The following PHF8 variants were observed in gnomAD, a reference collection of about 807,000 sequenced individuals.
PHF8 encodes the protein PHD finger protein 8, also known as histone lysine demethylase PHF8.
A neutral mutation model predicts 74.4 loss-of-function variants in PHF8; 9 were observed. The observed-to-expected ratio is 0.12, with a 90% CI of 0.07 to 0.21. PHF8 has a LOEUF of 0.21. Ranked by LOEUF, PHF8 falls within the 10% of genes least tolerant of loss-of-function variation. PHF8 has a pLI of 1.00. For synonymous variants in PHF8, 311 were observed against 316.6 expected, an observed-to-expected ratio of 0.98 and a Z score of 0.19; for missense variants, 478 against 816.6, an observed-to-expected ratio of 0.59 and a Z score of 5.05.
Position 54,043,747 on chromosome X carries a change from G to GC in PHF8, c.-93+14dup, listed in dbSNP as rs782337154. ...TAAAACTGACAGTAATAGCCTCGCAGCCCCCAAAACTTACAGGAATCTTAA... is the reference window on the plus strand; with the variant it reads ...TAAAACTGACAGTAATAGCCTCGCAGCCCCCCAAAACTTACAGGAATCTTAA... On this transcript the variant is annotated intron_variant, in intron 1 of 21. Transcript: ENST00000338154. 230 of 658,618 alleles carry GC rather than the reference G, an allele frequency of 3.5e-4. 1 individual carries two copies. In the African/African-American group the frequency reaches 5.1e-3, roughly 15 times the overall value. The allele number at this position is 658,618 out of a possible 1,213,427, so 54.3% of individuals were successfully genotyped here.
intron 19 of PHF8, among the ~76,000 whole-genome samples, chrX:53,946,143 A>G (rs898292163): frequency 1.8e-5 from 2 of 112,720 alleles, no homozygotes; most frequent in African/African-American, 6.4e-5. Context: ...ACAGAATTAG[A>G]AAACCACAAG....
At chrX:53,980,398 G>T (rs1047169492) in intron 18 of PHF8, among the ~76,000 whole-genome samples, 1 of 111,274 alleles carries the variant, frequency 9.0e-6, no homozygotes, top group Non-Finnish European at 1.9e-5. Flanking sequence ...TATATGCACA[G>T]AAGTATGACC....
Position 54,044,038 on chromosome X carries a change from C to T in PHF8, c.-369G>A. 1.1e-5 allele frequency: 8 copies of T among 755,110 alleles called. No homozygotes were observed. The highest frequency in any genetic ancestry group is 1.1e-5 in the Non-Finnish European group (7 of 639,431). The allele number at this position is 755,110 out of a possible 1,213,427, so 62.2% of individuals were successfully genotyped here. ...TACCGCCGGGAACCTCGCTCGCCTTCCCCTCGAGCCCCCCGCTGGGTCGCG... is the reference window on the plus strand; with the variant it reads ...TACCGCCGGGAACCTCGCTCGCCTTTCCCTCGAGCCCCCCGCTGGGTCGCG... On this transcript the variant is annotated 5_prime_UTR_variant, in exon 1 of 22. Coordinates refer to ENST00000338154, the MANE Select transcript of PHF8 (RefSeq NM_015107.3).
chrX:54,010,869 T>G (rs1356178702), intron 8 of PHF8, among the ~76,000 whole-genome samples: 2 of 111,383 alleles, frequency 1.8e-5, no homozygotes, highest in Admixed American at 1.9e-4. Context: ...TCATGTTCTC[T>G]GTTCACCCAG....
chrX:53,996,694 G>A (rs910742089), intron 11 of PHF8, among the ~76,000 whole-genome samples: 4 of 110,407 alleles, frequency 3.6e-5, no homozygotes, highest in Admixed American at 9.8e-5. Flanking sequence ...TTACAAGCAC[G>A]TACCACCACG....
intron 19 of PHF8, among the ~76,000 whole-genome samples, chrX:53,946,673 T>C (rs1460668968): frequency 1.8e-5 from 2 of 112,368 alleles, no homozygotes; most frequent in African/African-American, 6.5e-5. Context: ...ATGGACCCTG[T>C]TTAGACCCTG....
chrX:53,940,662 A>G lies in PHF8; in HGVS notation c.2650-146T>C. The G allele has an allele frequency of 8.4e-6, 4 of 478,839 alleles. No homozygotes were observed. The South Asian group carries it at 1.2e-4, about 14-fold the overall frequency. The allele number at this position is 478,839 out of a possible 1,213,427, so 39.5% of individuals were successfully genotyped here. On this transcript the variant is annotated intron_variant, in intron 20 of 21. Coordinates refer to ENST00000338154, the MANE Select transcript of PHF8 (RefSeq NM_015107.3). ...CACCAAGTCTAGCCTGGATGTACAC[A>G]CAGCACATAACAGGCCTTCCAATAC...
At chrX:53,974,010 A>C (rs1557095327) in intron 18 of PHF8, among the ~76,000 whole-genome samples, 2 of 111,583 alleles carry the variant, frequency 1.8e-5, no homozygotes, top group Non-Finnish European at 3.8e-5. Context: ...CTGTAATCTC[A>C]GCACTTTGGG....
Position 54,042,620 on chromosome X carries a change from G to A in PHF8, c.98+11C>T, listed in dbSNP as rs2066579727. On this transcript the variant is annotated intron_variant, in intron 2 of 21. Transcript: ENST00000338154. ...CACCGCACCCTGTGTAGCCTGGCCTGCCCTCCTTACCTGCCATGAAACCAG... is the reference window on the plus strand; with the variant it reads ...CACCGCACCCTGTGTAGCCTGGCCTACCCTCCTTACCTGCCATGAAACCAG... 2 of 1,199,580 alleles carry A rather than the reference G, an allele frequency of 1.7e-6. No homozygotes were observed. The highest frequency in any genetic ancestry group is 3.6e-5 in the South Asian group (2 of 55,956).
At chrX:53,992,104 T>C (rs370650406) in intron 14 of PHF8, among the ~76,000 whole-genome samples, 29 of 112,499 alleles carry the variant, frequency 2.6e-4, no homozygotes, top group African/African-American at 8.7e-4. Context: ...TGTGCATACA[T>C]GCCCTTTTAA....
rs971748979 is a variant in PHF8 at position 54,021,102 on chromosome X, T to A, written c.293+1157A>T. The stretch of plus-strand genomic sequence containing the variant: ...TACATATATATCATGGAATACTACA[T>A]AGCCATAAAACAGAAGGAAATCATG... On this transcript the variant is annotated intron_variant, in intron 4 of 21. Transcript: ENST00000338154. 4.4e-5 allele frequency among the ~76,000 whole-genome samples: 5 copies of A among 112,398 alleles called. No individual in the cohort carries two copies. In the Admixed American group the frequency reaches 4.7e-4, roughly 11 times the overall value.
chrX:53,973,333 T>C (rs1310609187), intron 18 of PHF8, among the ~76,000 whole-genome samples: 2 of 111,518 alleles, frequency 1.8e-5, no homozygotes, highest in Admixed American at 1.9e-4. Flanking sequence ...AGAGCCCAAA[T>C]AGCCAGGACA....
At chrX:53,959,053 A>T (rs1440496448) in intron 19 of PHF8, among the ~76,000 whole-genome samples, 2 of 111,528 alleles carry the variant, frequency 1.8e-5, no homozygotes, top group Non-Finnish European at 3.8e-5. Flanking sequence ...CATGGAACTG[A>T]TATCTTGTAG....
rs782604984 is a variant in PHF8, at chrX:54,022,209, G to C, written c.293+50C>G. The stretch of plus-strand genomic sequence containing the variant: ...GAAAGCTGGGAAGAGGTGAGTTCCA[G>C]CTTCCCAGAGCCCTGGCATTCACCA... On this transcript the variant is annotated intron_variant, in intron 4 of 21. Transcript: ENST00000338154. 7.8e-5 allele frequency: 58 copies of C among 739,815 alleles called. 1 individual carries two copies. The South Asian group carries it at 1.2e-3, about 15-fold the overall frequency. The allele number at this position is 739,815 out of a possible 1,213,427, so 61.0% of individuals were successfully genotyped here.
At chrX:54,026,374 AT>A (rs2066267580) in intron 2 of PHF8, among the ~76,000 whole-genome samples, 1 of 106,723 alleles carries the variant, frequency 9.4e-6, no homozygotes, top group Non-Finnish European at 1.9e-5. Context: ...AAAAAAAAAA[AT>A]CTGGATCATG....
At chrX:53,986,139 A>T in intron 16 of PHF8, among the ~76,000 whole-genome samples, 190 bp from the exon 17 acceptor site, 1 of 112,777 alleles carries the variant, frequency 8.9e-6, no homozygotes. Context: ...GTATACTCCC[A>T]TTTTAAACAG....
intron 11 of PHF8, among the ~76,000 whole-genome samples, chrX:53,998,738 C>T (rs935451579): frequency 9.0e-6 from 1 of 111,620 alleles, no homozygotes; most frequent in East Asian, 2.8e-4. Context: ...TCAGTACATA[C>T]AGAGCTTTCT....
chrX:53,957,878 G>A (rs2065037710), intron 19 of PHF8, among the ~76,000 whole-genome samples: 1 of 111,312 alleles, frequency 9.0e-6, no homozygotes, highest in Non-Finnish European at 1.9e-5. Context: ...GACTCTGAGA[G>A]AACAAGCACT....
chrX:53,996,974 C>G (rs1207988674), intron 11 of PHF8, among the ~76,000 whole-genome samples: 2 of 112,725 alleles, frequency 1.8e-5, no homozygotes, highest in East Asian at 2.8e-4. Context: ...AAAAGCAAAA[C>G]TTTTTTGAAA....
Sources: gnomAD v4.1 joint callset for allele counts (sites outside exome capture counted in the v4.1 genomes callset) on GRCh38, gnomAD v4.1.1 for gene constraint, MANE v1.5 for transcripts, NCBI Gene and HGNC (gene_info 2026-07-23, HGNC 2026-07-21) for gene names.